DCC: variants seen among roughly 807,000 people sequenced by gnomAD.
DCC encodes DCC netrin 1 receptor.
A neutral mutation model predicts 172.5 loss-of-function variants in DCC; 58 were observed. That is an observed-to-expected ratio of 0.34 (90% CI 0.27 to 0.42). The LOEUF (loss-of-function observed/expected upper bound fraction) is 0.42. Among genes scored for constraint, DCC ranks in the 10% least tolerant of loss-of-function variants. DCC has a pLI of 1.00. For missense variants in DCC, 1,740 were observed against 1,791.0 expected, an observed-to-expected ratio of 0.97 and a Z score of 0.51; for synonymous variants, 709 against 644.5, an observed-to-expected ratio of 1.10 and a Z score of -1.52.
intron 1 of DCC, among the ~76,000 whole-genome samples, chr18:52,588,503 C>A (rs2033726718): frequency 1.3e-5 from 2 of 152,180 alleles, no homozygotes; most frequent in South Asian, 4.1e-4. Context: ...AAAATGCTGC[C>A]TACTCTCACA....
intron 1 of DCC, among the ~76,000 whole-genome samples, chr18:52,742,092 C>T (rs1387714060): frequency 6.6e-6 from 1 of 152,112 alleles, no homozygotes; most frequent in African/African-American, 2.4e-5. Flanking sequence ...ACTTACTGGC[C>T]AAGAAAAGAG....
intron 5 of DCC, among the ~76,000 whole-genome samples, chr18:52,945,967 C>T (rs999940025): frequency 6.6e-6 from 1 of 152,102 alleles, no homozygotes; most frequent in Non-Finnish European, 1.5e-5. Context: ...AACAATTGGC[C>T]GGGGCTAAGG....
intron 1 of DCC, among the ~76,000 whole-genome samples, chr18:52,670,727 C>T (rs1471833168): frequency 1.3e-5 from 2 of 152,042 alleles, no homozygotes; most frequent in Non-Finnish European, 2.9e-5. Flanking sequence ...GTAATTCCAT[C>T]TATTTGGGAG....
At chr18:52,976,530 A>G (rs1379108951) in intron 5 of DCC, among the ~76,000 whole-genome samples, 3 of 152,224 alleles carry the variant, frequency 2.0e-5, no homozygotes, top group African/African-American at 7.2e-5. Context: ...GCAATCATAT[A>G]TGAGGTTAAG....
intron 2 of DCC, among the ~76,000 whole-genome samples, chr18:52,879,635 T>C (rs1176467700): frequency 6.6e-6 from 1 of 151,918 alleles, no homozygotes; most frequent in African/African-American, 2.4e-5. Flanking sequence ...TTTCACCATA[T>C]TGGCCAGGAT....
intron 1 of DCC, among the ~76,000 whole-genome samples, chr18:52,489,890 C>T (rs2030418435): frequency 1.3e-5 from 2 of 152,102 alleles, no homozygotes; most frequent in African/African-American, 4.8e-5. Flanking sequence ...ATTTTATATG[C>T]AGCTTCTACA....
intron 12 of DCC, among the ~76,000 whole-genome samples, chr18:53,247,804 C>T (rs953346675): frequency 1.1e-4 from 17 of 151,924 alleles, no homozygotes; most frequent in Admixed American, 9.9e-4. Context: ...GTTGAAGCTT[C>T]CTTTAAAGTC....
At chr18:52,444,959 A>C (rs1988077055) in intron 1 of DCC, among the ~76,000 whole-genome samples, 1 of 152,198 alleles carries the variant, frequency 6.6e-6, no homozygotes, top group Admixed American at 6.5e-5. Flanking sequence ...TGTCTCAATG[A>C]GGTCTGTGGT....
In DCC at chr18:53,534,719, C is replaced by T. The variant is rs1198843660; in HGVS notation, c.*4066C>T. The stretch of plus-strand genomic sequence containing the variant: ...CTCAATGTATCTTGCTATCTAAATA[C>T]CTGTTGCCAAAAAGTATTGATTTGG... On this transcript the variant is annotated 3_prime_UTR_variant, in exon 29 of 29. Transcript: ENST00000442544. 3 of 152,060 alleles carry T rather than the reference C, an allele frequency of 2.0e-5. No homozygotes were observed. Among genetic ancestry groups the T allele is most frequent in the Non-Finnish European group, 4.4e-5 (3 of 68,010 alleles). 9.4% of individuals were successfully genotyped at this position (152,060 alleles called of 1,614,324 possible).
intron 15 of DCC, among the ~76,000 whole-genome samples, chr18:53,347,631 A>G (rs991855136): frequency 6.6e-6 from 1 of 152,158 alleles, no homozygotes; most frequent in Non-Finnish European, 1.5e-5. Context: ...CTTAGTTGCT[A>G]TATTAGTCTG....
chr18:52,759,686 A>T (rs982797107), intron 2 of DCC, among the ~76,000 whole-genome samples: 1 of 152,216 alleles, frequency 6.6e-6, no homozygotes, highest in Non-Finnish European at 1.5e-5. Flanking sequence ...AAACGTCAAG[A>T]TAAAAAAGAT....
chr18:52,639,306 A>G (rs2034845821), intron 1 of DCC, among the ~76,000 whole-genome samples: 1 of 152,156 alleles, frequency 6.6e-6, no homozygotes, highest in African/African-American at 2.4e-5. Context: ...GGAAATAACC[A>G]AGATCAGAGC....
chr18:52,916,130 T>C (rs1044632778), intron 3 of DCC, among the ~76,000 whole-genome samples: 1 of 152,078 alleles, frequency 6.6e-6, no homozygotes, highest in African/African-American at 2.4e-5. Context: ...GGAAAATACA[T>C]ACGCAAAAAT....
At chr18:52,694,905 T>G (rs781000870) in intron 1 of DCC, among the ~76,000 whole-genome samples, 1 of 152,160 alleles carries the variant, frequency 6.6e-6, no homozygotes, top group African/African-American at 2.4e-5. Flanking sequence ...GTGGTAGAAG[T>G]CTTAAGAATA....
intron 12 of DCC, among the ~76,000 whole-genome samples, chr18:53,281,599 T>C (rs1047738678): frequency 1.3e-5 from 2 of 152,142 alleles, no homozygotes; most frequent in Non-Finnish European, 2.9e-5. Context: ...TGACTTCATA[T>C]TCCTTTTTGA....
chr18:52,666,310 G>T (rs1270356154), intron 1 of DCC, among the ~76,000 whole-genome samples: 1 of 151,944 alleles, frequency 6.6e-6, no homozygotes, highest in South Asian at 2.1e-4. Context: ...AGAAAAAAAA[G>T]AAAGTAAGAA....
intron 15 of DCC, among the ~76,000 whole-genome samples, chr18:53,356,594 A>T (rs983656456): frequency 6.6e-6 from 1 of 152,152 alleles, no homozygotes; most frequent in Admixed American, 6.5e-5. Flanking sequence ...ATGGTTGTCC[A>T]TCTGGCCGGA....
At chr18:52,656,024 A>G (rs912089979) in intron 1 of DCC, among the ~76,000 whole-genome samples, 1 of 115,598 alleles carries the variant, frequency 8.7e-6, no homozygotes, top group Non-Finnish European at 1.9e-5. Context: ...GTGTGTATAT[A>G]TATGTATATA....
intron 1 of DCC, among the ~76,000 whole-genome samples, chr18:52,552,813 T>G (rs948095321): frequency 2.6e-5 from 4 of 151,634 alleles, no homozygotes; most frequent in African/African-American, 9.7e-5. Flanking sequence ...AGGCTACATG[T>G]AAAGAAATAA....
Sources: gnomAD v4.1 joint callset for allele counts (sites outside exome capture counted in the v4.1 genomes callset) on GRCh38, gnomAD v4.1.1 for gene constraint, MANE v1.5 for transcripts, NCBI Gene and HGNC (gene_info 2026-07-23, HGNC 2026-07-21) for gene names.